The following ERBB3 variants were observed in gnomAD, a reference collection of about 807,000 sequenced individuals.
ERBB3 encodes the protein erb-b2 receptor tyrosine kinase 3.
Under a neutral mutation model 156.7 loss-of-function variants are expected in ERBB3, and 96 were observed. The observed-to-expected ratio is 0.61, with a 90% CI of 0.52 to 0.73. The LOEUF is 0.73. ERBB3 is among the 30% of genes least tolerant of loss of function. ERBB3 has a pLI of 0.00. For missense variants in ERBB3, 1,406 were observed against 1,709.4 expected (o/e 0.82, Z 3.13); for synonymous variants, 567 against 632.0 (o/e 0.90, Z 1.54).
Position 56,086,543 on chromosome 12 carries a change from G to T in ERBB3, c.434G>T (p.Gly145Val), listed in dbSNP as rs2136791382. 2 of 1,614,078 alleles carry T rather than the reference G, an allele frequency of 1.2e-6. No homozygotes were observed. Among genetic ancestry groups the T allele is most frequent in the Non-Finnish European group, 1.7e-6 (2 of 1,179,998 alleles). Residue 145 changes from glycine to valine, a missense_variant, in exon 4 of 28, where the codon GGG becomes GTG. Coordinates refer to ENST00000267101, the MANE Select transcript of ERBB3 (RefSeq NM_001982.4). Reference protein sequence around the residue: ...RLTQLTEILSGGVYIEKNDKL... With the variant: ...RLTQLTEILSVGVYIEKNDKL... ...TTCCCTACCTCAGAGATTCTGTCAG[G>T]GGGTGTTTATATTGAGAAGAACGAT...
Position 56,096,614 on chromosome 12 carries a change from G to C in ERBB3, c.2167G>C (p.Val723Leu), listed in dbSNP as rs189789018. 1.2e-5 allele frequency: 19 copies of C among 1,614,188 alleles called. No individual in the cohort carries two copies. The Admixed American group carries it at 3.2e-4, about 27-fold the overall frequency. The change falls in exon 18 of 28, where the codon GTG (valine) becomes CTG (leucine). Residue 723 changes from valine to leucine, a missense_variant. Physicochemically the swap from Val to Leu is conservative, Grantham distance 32. Transcript: ENST00000267101. Reference sequence around the variant, plus strand: ...GCTTGGCTCGGGTGTCTTTGGAACTGTGCACAAAGTGAGTGACCCATAGGA... The same window carrying C: ...GCTTGGCTCGGGTGTCTTTGGAACTCTGCACAAAGTGAGTGACCCATAGGA... ...KVLGSGVFGT[V>L]HKGVWIPEGE...
Position 56,087,893 on chromosome 12 carries a change from C to T in ERBB3, c.712C>T (p.Pro238Ser), listed in dbSNP as rs1868540297. The T allele has an allele frequency of 6.2e-7, 1 of 1,614,166 alleles. No individual in the cohort carries two copies. The highest frequency in any genetic ancestry group is 8.5e-7 in the Non-Finnish European group (1 of 1,179,998). Reference protein sequence around the residue: ...HDECAGGCSGPQDTDCFACRH... With the variant: ...HDECAGGCSGSQDTDCFACRH... Reference sequence around the variant, plus strand: ...TGAGTGTGCCGGGGGCTGCTCAGGCCCTCAGGACACAGACTGCTTTGTATG... The same window carrying T: ...TGAGTGTGCCGGGGGCTGCTCAGGCTCTCAGGACACAGACTGCTTTGTATG... The change falls in exon 6 of 28, where the codon CCT (proline) becomes TCT (serine). Residue 238 changes from proline to serine, a missense_variant. Coordinates refer to ENST00000267101, the MANE Select transcript of ERBB3 (RefSeq NM_001982.4).
At position 56,093,445 on chromosome 12, in the gene ERBB3, A is replaced by G. The variant is rs1290500792; in HGVS notation, c.1375A>G (p.Asn459Asp). Residue 459 changes from asparagine to aspartate, a missense_variant, in exon 12 of 28, where the codon AAT becomes GAT. This residue lies in a region of ERBB3 where 979 missense variants were observed against 1,219.6 expected (regional missense o/e 0.80). Coordinates refer to ENST00000267101, the MANE Select transcript of ERBB3 (RefSeq NM_001982.4). ...TGCTGGGCGTATCTATATAAGTGCC[A>G]ATAGGCAGCTCTGCTACCACCACTC... is the stretch of plus-strand genomic sequence containing the variant. ...ISAGRIYISANRQLCYHHSLN... is the reference protein window; with the variant it reads ...ISAGRIYISADRQLCYHHSLN... 2 of 1,613,912 alleles carry G rather than the reference A, an allele frequency of 1.2e-6. No individual in the cohort carries two copies. The highest frequency in any genetic ancestry group is 2.2e-5 in the East Asian group (1 of 44,882).
chr12:56,086,891 T>C (rs2136791915), intron 4 of ERBB3, among the ~76,000 whole-genome samples: 1 of 152,190 alleles, frequency 6.6e-6, no homozygotes, highest in Admixed American at 6.5e-5. Context: ...CCTATAATCC[T>C]GGCACTTTGG....
chr12:56,097,295 T>C, intron 20 of ERBB3, 65 bp downstream of exon 20: 2 of 1,527,824 alleles, frequency 1.3e-6, no homozygotes, highest in East Asian at 2.3e-5. Context: ...CAGGAAAAAG[T>C]GAGAAGGTTG....
At chr12:56,080,432 C>A (rs879171773) in intron 1 of ERBB3, 50 bp downstream of exon 1, 4 of 1,419,640 alleles carry the variant, frequency 2.8e-6, no homozygotes, top group East Asian at 2.4e-5. Flanking sequence ...AGCCGGAACC[C>A]AGTGCGCGCA....
chr12:56,083,681 CT>C (rs1234757807), intron 1 of ERBB3, 69 bp from the exon 2 acceptor site: 4 of 1,584,934 alleles, frequency 2.5e-6, no homozygotes, highest in Non-Finnish European at 3.5e-6. Flanking sequence ...AGGGGGTGAT[CT>C]TTGGGGATGG....
chr12:56,096,454 G>C, intron 17 of ERBB3, 49 bp from the exon 18 acceptor site: 1 of 1,612,074 alleles, frequency 6.2e-7, no homozygotes, highest in Non-Finnish European at 8.5e-7. Context: ...GTTGGAGTGG[G>C]ACATGGGAAT....
At chr12:56,087,700 C>T (rs1868531954) in intron 5 of ERBB3, 58 bp downstream of exon 5, 2 of 1,599,146 alleles carry the variant, frequency 1.3e-6, no homozygotes, top group East Asian at 2.2e-5. Context: ...CCCTTCCTCC[C>T]CAAGCCTGGG....
At position 56,098,937 on chromosome 12, in the gene ERBB3, CTTTTTTTCTT is replaced by C. The variant is rs774830184; in HGVS notation, c.2839+50_2839+59del. On this transcript the variant is annotated intron_variant, in intron 23 of 27. Transcript: ENST00000267101. Reference sequence around the variant, plus strand: ...TACCTGCTGAGCCCAACCATTTTCTCTTTTTTTCTTTTTTTTTCTTTTTTTTTTTTTTTTG... The same window carrying C: ...TACCTGCTGAGCCCAACCATTTTCTCTTTTTTTCTTTTTTTTTTTTTTTTG... 3.7e-3 allele frequency: 5,715 copies of C among 1,525,212 alleles called. 4 individuals carry two copies. Among genetic ancestry groups the C allele is most frequent in the Non-Finnish European group, 4.5e-3 (5,051 of 1,119,318 alleles). 94.5% of individuals were successfully genotyped at this position (1,525,212 alleles called of 1,614,324 possible).
rs1488733357 is a variant in ERBB3 at position 56,098,759 on chromosome 12, G to A, written c.2693G>A (p.Gly898Asp). The A allele has an allele frequency of 6.2e-7, 1 of 1,614,052 alleles. No homozygotes were observed. The highest frequency in any genetic ancestry group is 8.5e-7 in the Non-Finnish European group (1 of 1,180,008). ...YTHQSDVWSY[G>D]VTVWELMTFG... is the part of the protein sequence containing the mutation. ...ACTAGTCCATGTCTTCCTGCAACAG[G>A]TGTGACAGTTTGGGAGTTGATGACC... The change falls in exon 23 of 28, where the codon GGT becomes GAT. Residue 898 changes from glycine (G) to aspartate (D), a missense_variant and splice_region_variant. Around this residue, in one of 3 missense-constraint regions of ERBB3, gnomAD observed 979 missense variants for 1,219.6 expected, o/e 0.80. Coordinates refer to ENST00000267101, the MANE Select transcript of ERBB3 (RefSeq NM_001982.4).
chr12:56,094,566 G>A lies in ERBB3; in HGVS notation c.1859+10G>A, dbSNP rs1868831384. 6.2e-7 allele frequency: 1 copy of A among 1,613,392 alleles called. No homozygotes were observed. The highest frequency in any genetic ancestry group is 8.5e-7 in the Non-Finnish European group (1 of 1,179,934). On this transcript the variant is annotated intron_variant, in intron 15 of 27. Transcript: ENST00000267101. Reference sequence around the variant, plus strand: ...AGAACTGCACCCAGGGGTCAGTGATGGGATAATAAGGAGAGGGGGTCAGGT... The same window carrying A: ...AGAACTGCACCCAGGGGTCAGTGATAGGATAATAAGGAGAGGGGGTCAGGT...
chr12:56,089,098 G>C (rs561522113), intron 9 of ERBB3: 2 of 635,064 alleles, frequency 3.1e-6, no homozygotes, highest in East Asian at 6.4e-5. Context: ...ACAAGGGACA[G>C]GAACAACATA....
intron 20 of ERBB3, 98 bp downstream of exon 20, chr12:56,097,328 C>A: frequency 8.5e-7 from 1 of 1,182,834 alleles, no homozygotes; most frequent in Non-Finnish European, 1.2e-6. Flanking sequence ...GTGAGGTCCC[C>A]AACCCCCGGG....
rs1303474707 is a variant in ERBB3, at chr12:56,101,204, T to C, written c.3345T>C (p.Cys1115=). The change falls in exon 27 of 28, where the codon TGT becomes TGC. Residue 1115 remains cysteine (C), a synonymous_variant. Transcript: ENST00000267101. Reference sequence around the variant, plus strand: ...AGCTCCAGGAGAAAGTGTCAATGTGTAGGAGCCGGAGCAGGAGCCGGAGCC... The same window carrying C: ...AGCTCCAGGAGAAAGTGTCAATGTGCAGGAGCCGGAGCAGGAGCCGGAGCC... ...EAELQEKVSM[C]RSRSRSRSPR... is the part of the protein sequence containing the mutation. 1.1e-5 allele frequency: 17 copies of C among 1,613,904 alleles called. No homozygotes were observed. The highest frequency in any genetic ancestry group is 1.4e-5 in the Non-Finnish European group (16 of 1,180,008).
intron 23 of ERBB3, 47 bp downstream of exon 23, chr12:56,098,952 TTTC>T: frequency 1.9e-6 from 3 of 1,551,830 alleles, no homozygotes; most frequent in Non-Finnish European, 2.6e-6. Context: ...TTTCTTTTTT[TTTC>T]TTTTTTTTTT....
At chr12:56,095,959 C>A (rs1868877005) in intron 17 of ERBB3, 153 bp downstream of exon 17, 2 of 823,312 alleles carry the variant, frequency 2.4e-6, no homozygotes, top group Admixed American at 4.2e-5. Flanking sequence ...GATTTGATCC[C>A]TTTCTTCAAG....
Position 56,101,192 on chromosome 12 carries a change from A to G in ERBB3, c.3333A>G (p.Lys1111=). ...VTGSEAELQE[K]VSMCRSRSRS... Reference sequence around the variant, plus strand: ...GCTCTGAGGCTGAGCTCCAGGAGAAAGTGTCAATGTGTAGGAGCCGGAGCA... The same window carrying G: ...GCTCTGAGGCTGAGCTCCAGGAGAAGGTGTCAATGTGTAGGAGCCGGAGCA... Residue 1111 remains lysine, a synonymous_variant, in exon 27 of 28, where the codon AAA becomes AAG. Coordinates refer to ENST00000267101, the MANE Select transcript of ERBB3 (RefSeq NM_001982.4). 1 of 1,614,132 alleles carries G rather than the reference A, an allele frequency of 6.2e-7. No individual in the cohort carries two copies. Among genetic ancestry groups the G allele is most frequent in the Non-Finnish European group, 8.5e-7 (1 of 1,180,020 alleles).
chr12:56,088,223 A>G, intron 7 of ERBB3, 61 bp downstream of exon 7: 1 of 1,578,332 alleles, frequency 6.3e-7, no homozygotes. Flanking sequence ...TTTAGACAAA[A>G]TTGTGGAAGG....
Sources: gnomAD v4.1 joint callset for allele counts (sites outside exome capture counted in the v4.1 genomes callset) on GRCh38, gnomAD v4.1.1 for gene constraint, gnomAD v4.1.1 regional missense constraint, MANE v1.5 for transcripts, NCBI Gene and HGNC (gene_info 2026-07-23, HGNC 2026-07-21) for gene names.